The following MMS22L variants were observed in gnomAD, a reference collection of about 807,000 sequenced individuals.
MMS22L encodes MMS22 like, DNA repair protein, also known as protein MMS22-like.
Under a neutral mutation model 159.1 loss-of-function variants are expected in MMS22L, and 74 were observed. The ratio of observed to expected loss-of-function variants is 0.47; its 90% CI spans 0.39 to 0.56. MMS22L has a LOEUF of 0.56. Among genes scored for constraint, MMS22L ranks in the 20% least tolerant of loss-of-function variants. The pLI, the probability that MMS22L is intolerant of heterozygous loss-of-function variation, is 0.00. For synonymous variants in MMS22L, 517 were observed against 506.9 expected, an observed-to-expected ratio of 1.02 and a Z score of -0.27; for missense variants, 1,351 against 1,422.1, an observed-to-expected ratio of 0.95 and a Z score of 0.80.
Position 97,144,976 on chromosome 6 carries a change from C to A in MMS22L, c.*1830G>T. 7.1e-6 allele frequency: 1 copy of A among 140,152 alleles called. No homozygotes were observed. The highest frequency in any genetic ancestry group is 1.5e-5 in the Non-Finnish European group (1 of 65,048). 8.7% of individuals were successfully genotyped at this position (140,152 alleles called of 1,614,324 possible). ...TTAAACGTTTTCATACTCTAAGGAGCAAGATTCTCAAAGGTATCTTTATCA... is the reference window on the plus strand; with the variant it reads ...TTAAACGTTTTCATACTCTAAGGAGAAAGATTCTCAAAGGTATCTTTATCA... On this transcript the variant is annotated 3_prime_UTR_variant, in exon 25 of 25. Transcript: ENST00000683635.
chr6:97,263,020 A>G (rs1814664738), intron 9 of MMS22L, among the ~76,000 whole-genome samples: 1 of 152,192 alleles, frequency 6.6e-6, no homozygotes, highest in Admixed American at 6.5e-5. Flanking sequence ...CCTGACTAAA[A>G]TGTTTTCTAG....
intron 1 of MMS22L, 62 bp from the exon 2 acceptor site, chr6:97,282,615 G>A (rs911921864): frequency 2.2e-5 from 11 of 497,636 alleles, no homozygotes; most frequent in African/African-American, 1.2e-4. Context: ...TTCTCAAGAC[G>A]TCCGCCAGCA....
chr6:97,273,340 G>T (rs1383057273), intron 4 of MMS22L, among the ~76,000 whole-genome samples: 1 of 152,096 alleles, frequency 6.6e-6, no homozygotes, highest in East Asian at 1.9e-4. Flanking sequence ...GCCAGATAAT[G>T]AGTCTTCTTT....
chr6:97,255,973 A>G (rs893061236), intron 9 of MMS22L, among the ~76,000 whole-genome samples: 1 of 152,072 alleles, frequency 6.6e-6, no homozygotes, highest in African/African-American at 2.4e-5. Context: ...TTGAACCTTG[A>G]TATATTCTGT....
At chr6:97,190,510 A>G (rs1329877701) in intron 14 of MMS22L, among the ~76,000 whole-genome samples, 1 of 152,202 alleles carries the variant, frequency 6.6e-6, no homozygotes, top group East Asian at 1.9e-4. Flanking sequence ...AATACAGTAT[A>G]GTAGAAAATA....
rs183746728 is a variant in MMS22L at position 97,209,169 on chromosome 6, C to G, written c.2039+19725G>C. On this transcript the variant is annotated intron_variant, in intron 14 of 24. Transcript: ENST00000683635. Reference sequence around the variant, plus strand: ...TCCTACTGATGAATCCCCCAAATATCTTCAAGTGTTCATTACTCATTAATT... The same window carrying G: ...TCCTACTGATGAATCCCCCAAATATGTTCAAGTGTTCATTACTCATTAATT... Among the ~76,000 whole-genome samples the G allele has an allele frequency of 7.2e-5, 11 of 152,136 alleles. No individual in the cohort carries two copies. In the East Asian group the frequency reaches 1.9e-3, roughly 27 times the overall value.
intron 19 of MMS22L, among the ~76,000 whole-genome samples, chr6:97,171,141 T>C (rs896885156): frequency 6.6e-6 from 1 of 152,204 alleles, no homozygotes; most frequent in African/African-American, 2.4e-5. Flanking sequence ...TTAACTAATG[T>C]ATCCCTAACT....
intron 14 of MMS22L, among the ~76,000 whole-genome samples, chr6:97,225,807 G>A (rs1056876228): frequency 1.3e-5 from 2 of 152,042 alleles, no homozygotes; most frequent in African/African-American, 2.4e-5. Context: ...TCCTGACCTC[G>A]TGATCCGCCC....
intron 11 of MMS22L, among the ~76,000 whole-genome samples, chr6:97,243,559 G>A (rs770841929): frequency 5.9e-5 from 9 of 151,932 alleles, no homozygotes; most frequent in South Asian, 2.1e-4. Flanking sequence ...GTTAAGAATC[G>A]ACCTTTAGAA....
chr6:97,200,203 G>A lies in MMS22L; in HGVS notation c.2040-13513C>T, dbSNP rs191683371. Among the ~76,000 whole-genome samples the A allele has an allele frequency of 2.2e-3, 328 of 152,086 alleles. 2 individuals are homozygous for A. Among genetic ancestry groups the A allele is most frequent in the African/African-American group, 7.3e-3 (303 of 41,518 alleles). ...GAAAATCATCAAAAAGTATAAGCTC[G>A]TTTAGAATAATATCATATTTAGCAG... On this transcript the variant is annotated intron_variant, in intron 14 of 24. Coordinates refer to ENST00000683635, the MANE Select transcript of MMS22L (RefSeq NM_001350599.2).
intron 9 of MMS22L, chr6:97,261,913 T>C (rs1192157658): frequency 6.6e-6 from 1 of 152,088 alleles, no homozygotes; most frequent in Non-Finnish European, 1.5e-5. Flanking sequence ...CTGGGCTCAA[T>C]GGTTTGAAAT....
intron 12 of MMS22L, 82 bp downstream of exon 12, chr6:97,233,779 C>A: frequency 7.1e-7 from 1 of 1,416,874 alleles, no homozygotes; most frequent in African/African-American, 1.5e-5. Flanking sequence ...CATAACTATT[C>A]ATAATTAAAC....
At position 97,178,541 on chromosome 6, in the gene MMS22L, A is replaced by C; in HGVS notation, c.2581T>G (p.Phe861Val). ...ATACTCTTTACTTCTGAGAGATTAA[A>C]TAGTAATCTTGTCAGTTTGACCAAC... ...KQLVKLTRLLFNLSEVKSIFS... is the reference protein window; with the variant it reads ...KQLVKLTRLLVNLSEVKSIFS... The change falls in exon 18 of 25, where the codon TTT becomes GTT. Residue 861 changes from phenylalanine (F) to valine (V), a missense_variant. By Grantham distance (50) the Phe-to-Val change is conservative. Coordinates refer to ENST00000683635, the MANE Select transcript of MMS22L (RefSeq NM_001350599.2). 1 of 1,570,214 alleles carries C rather than the reference A, an allele frequency of 6.4e-7. No individual in the cohort carries two copies. Among genetic ancestry groups the C allele is most frequent in the Admixed American group, 1.7e-5 (1 of 57,852 alleles).
At chr6:97,179,642 A>T (rs758501394) in intron 16 of MMS22L, 83 bp from the exon 17 acceptor site, 1 of 1,266,442 alleles carries the variant, frequency 7.9e-7, no homozygotes, top group Non-Finnish European at 1.1e-6. Context: ...AAACATTCTA[A>T]CATCCCTGCA....
At chr6:97,148,536 C>T (rs570209821) in intron 24 of MMS22L, among the ~76,000 whole-genome samples, 6 of 151,394 alleles carry the variant, frequency 4.0e-5, no homozygotes, top group South Asian at 2.1e-4. Flanking sequence ...CAGGCTAATG[C>T]GTGTGTGTCT....
At chr6:97,185,195 A>G (rs1033148000) in intron 15 of MMS22L, among the ~76,000 whole-genome samples, 5 of 152,074 alleles carry the variant, frequency 3.3e-5, no homozygotes, top group South Asian at 2.1e-4. Flanking sequence ...ATCACCACAC[A>G]TTACACTATT....
intron 22 of MMS22L, among the ~76,000 whole-genome samples, chr6:97,158,508 A>G (rs1310596007): frequency 3.9e-5 from 6 of 151,970 alleles, no homozygotes; most frequent in African/African-American, 9.7e-5. Context: ...CTGGTACGTT[A>G]TATCTTTGTT....
At chr6:97,163,964 A>AT (rs1221785901) in intron 21 of MMS22L, among the ~76,000 whole-genome samples, 1 of 152,068 alleles carries the variant, frequency 6.6e-6, no homozygotes. Flanking sequence ...GGAGCATGAA[A>AT]TTTATTTCAT....
intron 1 of MMS22L, among the ~76,000 whole-genome samples, 187 bp from the exon 2 acceptor site, chr6:97,282,740 G>C (rs573912616): frequency 6.6e-6 from 1 of 152,296 alleles, no homozygotes; most frequent in South Asian, 2.1e-4. Context: ...GGCTGTGGCA[G>C]GGACCTCGAA....
Sources: gnomAD v4.1 joint callset for allele counts (sites outside exome capture counted in the v4.1 genomes callset) on GRCh38, gnomAD v4.1.1 for gene constraint, MANE v1.5 for transcripts, NCBI Gene and HGNC (gene_info 2026-07-23, HGNC 2026-07-21) for gene names.